AFAP1: variants seen among roughly 807,000 people sequenced by gnomAD.
AFAP1 encodes actin filament associated protein 1, also known as actin filament-associated protein 1.
A neutral mutation model predicts 93.9 loss-of-function variants in AFAP1; 75 were observed. The ratio of observed to expected loss-of-function variants is 0.80; its 90% confidence interval spans 0.66 to 0.97. The LOEUF is 0.97. Ranked by LOEUF, AFAP1 falls within the 50% of genes least tolerant of loss-of-function variation. AFAP1 has a pLI of 0.00. For missense variants in AFAP1, 1,201 were observed against 1,050.8 expected, an observed-to-expected ratio of 1.14 and a Z score of -1.98; for synonymous variants, 517 against 430.7, an observed-to-expected ratio of 1.20 and a Z score of -2.48.
At chr4:7,812,359 C>T (rs1241047498) in intron 8 of AFAP1, among the ~76,000 whole-genome samples, 1 of 151,966 alleles carries the variant, frequency 6.6e-6, no homozygotes, top group Non-Finnish European at 1.5e-5. Context: ...CCAACTTGAC[C>T]GACAAAGTGC....
At chr4:7,839,765 C>CCCG (rs1229806159) in intron 5 of AFAP1, among the ~76,000 whole-genome samples, 1 of 152,100 alleles carries the variant, frequency 6.6e-6, no homozygotes, top group African/African-American at 2.4e-5. Flanking sequence ...TTCCCTTACC[C>CCCG]CCGTTTGTTT....
chr4:7,894,278 C>T (rs552822883), intron 1 of AFAP1, among the ~76,000 whole-genome samples: 11 of 152,276 alleles, frequency 7.2e-5, no homozygotes, highest in South Asian at 2.1e-4. Flanking sequence ...GTTCACACTC[C>T]AACAGCAGGG....
chr4:7,859,236 T>C (rs1303955425), intron 3 of AFAP1, among the ~76,000 whole-genome samples: 1 of 151,974 alleles, frequency 6.6e-6, no homozygotes, highest in African/African-American at 2.4e-5. Flanking sequence ...CTGGCCAACA[T>C]GATGAAACCC....
chr4:7,842,301 C>CAAAAAAAAAAAAAAAA (rs57050150), intron 5 of AFAP1, among the ~76,000 whole-genome samples: 1 of 94,898 alleles, frequency 1.1e-5, no homozygotes, highest in South Asian at 3.6e-4. Context: ...CCTGGATTTA[C>CAAAAAAAAAAAAAAAA]AAAAAAAAAA....
Position 7,760,008 on chromosome 4 carries a change from G to C in AFAP1, c.*3757C>G, listed in dbSNP as rs1236420558. The C allele has an allele frequency of 6.6e-6, 1 of 152,240 alleles. No individual in the cohort carries two copies. Among genetic ancestry groups the C allele is most frequent in the Admixed American group, 6.5e-5 (1 of 15,280 alleles). The allele number at this position is 152,240 out of a possible 1,614,324, so 9.4% of individuals were successfully genotyped here. On this transcript the variant is annotated 3_prime_UTR_variant, in exon 18 of 18. Coordinates refer to ENST00000420658, the MANE Select transcript of AFAP1 (RefSeq NM_001134647.2). ...CATCCCCCCAAATAGTGGGTGAGTA[G>C]AATTAATAGCCTTTTTGGAAAGGGA...
At chr4:7,812,169 A>T (rs1050734218) in intron 8 of AFAP1, among the ~76,000 whole-genome samples, 12 of 152,102 alleles carry the variant, frequency 7.9e-5, no homozygotes, top group Admixed American at 7.9e-4. Context: ...CCAGAGGAGG[A>T]TGTTTCACCA....
intron 1 of AFAP1, among the ~76,000 whole-genome samples, chr4:7,922,812 T>C (rs1720510022): frequency 6.6e-6 from 1 of 152,146 alleles, no homozygotes; most frequent in African/African-American, 2.4e-5. Flanking sequence ...AGCAAGACCC[T>C]GTCCTTACAA....
At chr4:7,865,963 C>G (rs1716350455) in intron 3 of AFAP1, among the ~76,000 whole-genome samples, 1 of 152,228 alleles carries the variant, frequency 6.6e-6, no homozygotes, top group Non-Finnish European at 1.5e-5. Flanking sequence ...GTGGCTCGAT[C>G]TCAGCTCACT....
Position 7,913,822 on chromosome 4 carries a change from A to G in AFAP1, c.-3+25834T>C, listed in dbSNP as rs183378427. Among the ~76,000 whole-genome samples, 186 of 152,340 alleles carry G rather than the reference A, an allele frequency of 1.2e-3. 2 individuals are homozygous for G. Among genetic ancestry groups the G allele is most frequent in the Non-Finnish European group, 3.8e-4 (26 of 68,020 alleles). ...TAGTTAAAATAAATGCCTAGGGTCT[A>G]TATCAAAAATATGAAAAAGCTAGCT... On this transcript the variant is annotated intron_variant, in intron 1 of 17. Transcript: ENST00000420658.
At chr4:7,938,443 A>G (rs1721519613) in intron 1 of AFAP1, among the ~76,000 whole-genome samples, 1 of 152,190 alleles carries the variant, frequency 6.6e-6, no homozygotes, top group South Asian at 2.1e-4. Context: ...CAAAAGTTTG[A>G]TGAAAGCATT....
intron 13 of AFAP1, among the ~76,000 whole-genome samples, chr4:7,780,786 G>A (rs1053667009): frequency 2.0e-5 from 3 of 151,894 alleles, no homozygotes; most frequent in Middle Eastern, 3.2e-3. Flanking sequence ...CCTTATTATC[G>A]TTATCTAGTT....
intron 12 of AFAP1, 134 bp downstream of exon 12, chr4:7,786,060 A>G: frequency 1.4e-6 from 1 of 725,770 alleles, no homozygotes; most frequent in South Asian, 1.8e-5. Flanking sequence ...CAGAGATGAG[A>G]TGGAGTCTCC....
At chr4:7,928,696 G>A (rs79926721) in intron 1 of AFAP1, among the ~76,000 whole-genome samples, 1 of 152,160 alleles carries the variant, frequency 6.6e-6, no homozygotes, top group Non-Finnish European at 1.5e-5. Context: ...TACTTTACCA[G>A]TTTTATTCCT....
chr4:7,859,265 A>G lies in AFAP1; in HGVS notation c.226-3691T>C, dbSNP rs139642227. Among the ~76,000 whole-genome samples, 886 of 152,258 alleles carry G rather than the reference A, an allele frequency of 5.8e-3. 7 individuals carry two copies. Among genetic ancestry groups the G allele is most frequent in the African/African-American group, 0.019 (779 of 41,548 alleles). On this transcript the variant is annotated intron_variant, in intron 3 of 17. Transcript: ENST00000420658. ...GAAACCCCATCTCTACTAAGAATAC[A>G]AAAATTAGCCGAGTGTGGTGGTGGG...
At chr4:7,856,318 C>T (rs189791550) in intron 3 of AFAP1, among the ~76,000 whole-genome samples, 11 of 152,196 alleles carry the variant, frequency 7.2e-5, no homozygotes, top group African/African-American at 2.4e-4. Flanking sequence ...TCTCTGCTCA[C>T]TGCAAGCTCT....
chr4:7,843,470 T>G (rs957518851), intron 4 of AFAP1, 120 bp from the exon 5 acceptor site: 1 of 951,764 alleles, frequency 1.1e-6, no homozygotes, highest in Non-Finnish European at 1.5e-6. Context: ...AAGGGACCTC[T>G]GCTCCTTAAG....
chr4:7,863,759 G>A (rs76456033), intron 3 of AFAP1, among the ~76,000 whole-genome samples: 48,010 of 151,962 alleles, frequency 0.32, 7,876 homozygotes, highest in South Asian at 0.45. Context: ...GGATAAAAAA[G>A]TAAAAGACAA....
intron 6 of AFAP1, among the ~76,000 whole-genome samples, chr4:7,838,118 A>C (rs1045353872): frequency 6.6e-6 from 1 of 152,240 alleles, no homozygotes; most frequent in Non-Finnish European, 1.5e-5. Context: ...AGAAGGAGAA[A>C]TGGGGAAAAG....
chr4:7,803,173 C>T (rs1455875233), intron 9 of AFAP1, among the ~76,000 whole-genome samples: 1 of 152,110 alleles, frequency 6.6e-6, no homozygotes, highest in Non-Finnish European at 1.5e-5. Context: ...AATGGTGTAT[C>T]TGAAAGGAAG....
Sources: gnomAD v4.1 joint callset for allele counts (sites outside exome capture counted in the v4.1 genomes callset) on GRCh38, gnomAD v4.1.1 for gene constraint, MANE v1.5 for transcripts, NCBI Gene and HGNC (gene_info 2026-07-23, HGNC 2026-07-21) for gene names.